Variants in ABL2 observed in about 807,000 individuals in gnomAD.
The protein encoded by ABL2 is ABL proto-oncogene 2, non-receptor tyrosine kinase.
ABL2 carries 49 observed loss-of-function variants against 107.7 expected under a neutral mutation model. The observed-to-expected ratio is 0.45, with a 90% CI of 0.36 to 0.58. The LOEUF (loss-of-function observed/expected upper bound fraction) is 0.58. Ranked by LOEUF, ABL2 falls within the 20% of genes least tolerant of loss-of-function variation. The pLI, the probability that ABL2 is intolerant of heterozygous loss-of-function variation, is 0.00. For missense variants in ABL2, 1,245 were observed against 1,457.0 expected (o/e 0.85, Z 2.37); for synonymous variants, 549 against 548.6 (o/e 1.00, Z -0.01).
In ABL2 at chr1:179,135,646, G is replaced by C. The variant is rs182710458; in HGVS notation, c.158-2272C>G. Among the ~76,000 whole-genome samples the C allele has an allele frequency of 2.5e-3, 374 of 150,734 alleles. 2 individuals are homozygous for C. Among genetic ancestry groups the C allele is most frequent in the Non-Finnish European group, 4.5e-3 (303 of 67,414 alleles). The stretch of plus-strand genomic sequence containing the variant: ...GGCCAGCCGCCCCATCCGGGAGGGA[G>C]GTGAGGGGGTCAGCCCCCCGCCTGG... On this transcript the variant is annotated intron_variant, in intron 1 of 11. Transcript: ENST00000502732.
chr1:179,135,659 G>GC (rs1294626189), intron 1 of ABL2, among the ~76,000 whole-genome samples: 15 of 148,552 alleles, frequency 1.0e-4, no homozygotes, highest in Admixed American at 5.3e-4. Context: ...GAGGGGGTCA[G>GC]CCCCCCGCCT....
At chr1:179,128,063 A>T (rs1655914062) in intron 3 of ABL2, among the ~76,000 whole-genome samples, 1 of 151,490 alleles carries the variant, frequency 6.6e-6, no homozygotes, top group Non-Finnish European at 1.5e-5. Context: ...GGCCAGAAGT[A>T]TCAGGCAAAA....
chr1:179,157,234 C>T (rs1233516117), intron 1 of ABL2, among the ~76,000 whole-genome samples: 8 of 152,150 alleles, frequency 5.3e-5, no homozygotes, highest in Non-Finnish European at 1.0e-4. Context: ...CACAGTCACA[C>T]CTATAATCCC....
intron 1 of ABL2, among the ~76,000 whole-genome samples, chr1:179,147,514 C>T (rs1571198262): frequency 6.6e-6 from 1 of 152,102 alleles, no homozygotes. Flanking sequence ...TATAGATATA[C>T]CATGGAATAC....
intron 1 of ABL2, among the ~76,000 whole-genome samples, chr1:179,204,052 T>C (rs957255746): frequency 1.3e-5 from 2 of 151,930 alleles, no homozygotes; most frequent in African/African-American, 4.8e-5. Flanking sequence ...AGAGATGGAG[T>C]CTCTCGCTCT....
intron 1 of ABL2, among the ~76,000 whole-genome samples, chr1:179,218,036 A>G (rs1662670919): frequency 6.6e-6 from 1 of 152,204 alleles, no homozygotes; most frequent in Admixed American, 6.5e-5. Context: ...TTTAAAAGAA[A>G]AAACAGATAT....
At position 179,104,991 on chromosome 1, in the gene ABL2, T is replaced by C. The variant is rs1333666978; in HGVS notation, c.*2727A>G. 4.4e-6 allele frequency: 1 copy of C among 228,880 alleles called. No homozygotes were observed. Among genetic ancestry groups the C allele is most frequent in the African/African-American group, 2.2e-5 (1 of 45,072 alleles). The allele number at this position is 228,880 out of a possible 1,614,324, so 14.2% of individuals were successfully genotyped here. A position where few individuals can be genotyped will look rare whatever the true frequency, so the allele number is the denominator to read the frequency against. On this transcript the variant is annotated 3_prime_UTR_variant, in exon 12 of 12. Coordinates refer to ENST00000502732, the MANE Select transcript of ABL2 (RefSeq NM_007314.4). ...AAAGGAAAAACCTAAATTATGCTTGTATAGTAAGTTGACAGTGCCTCTTTA... is the reference window on the plus strand; with the variant it reads ...AAAGGAAAAACCTAAATTATGCTTGCATAGTAAGTTGACAGTGCCTCTTTA...
intron 1 of ABL2, chr1:179,184,485 G>T: frequency 1.2e-6 from 1 of 829,488 alleles, no homozygotes; most frequent in South Asian, 1.5e-5. Context: ...TCATATGTTA[G>T]GAAAGTTCAT....
Position 179,131,488 on chromosome 1 carries a change from G to C in ABL2, c.221-7C>G, listed in dbSNP as rs1377205081. 2 of 1,612,250 alleles carry C rather than the reference G, an allele frequency of 1.2e-6. No individual in the cohort carries two copies. The highest frequency in any genetic ancestry group is 1.7e-6 in the Non-Finnish European group (2 of 1,178,530). On this transcript the variant is annotated splice_polypyrimidine_tract_variant and splice_region_variant and intron_variant, in intron 2 of 11. Coordinates refer to ENST00000502732, the MANE Select transcript of ABL2 (RefSeq NM_007314.4). ...TAGGGACGATGCAAAGCTTCTGAAAGACATAAGAAGGGAAGGGAATTCACG... is the reference window on the plus strand; with the variant it reads ...TAGGGACGATGCAAAGCTTCTGAAACACATAAGAAGGGAAGGGAATTCACG...
At chr1:179,158,225 A>G (rs780656800) in intron 1 of ABL2, among the ~76,000 whole-genome samples, 5 of 152,240 alleles carry the variant, frequency 3.3e-5, no homozygotes, top group Non-Finnish European at 7.3e-5. Context: ...AACAGGAAAA[A>G]TTAAATTCTG....
chr1:179,185,806 TAA>T (rs1265785858), intron 1 of ABL2, among the ~76,000 whole-genome samples: 2 of 152,182 alleles, frequency 1.3e-5, no homozygotes, highest in African/African-American at 4.8e-5. Flanking sequence ...TTTCCCTGGA[TAA>T]AGTTACTCCT....
rs371005589 is a variant in ABL2, at chr1:179,153,530, T to C, written c.158-20156A>G. On this transcript the variant is annotated intron_variant, in intron 1 of 11. Transcript: ENST00000502732. ...ATCCAACCCATCGTCAAGGCCAGGA[T>C]CTTCAAATCTGTCTCTGTTCCAGGT... Among the ~76,000 whole-genome samples the C allele has an allele frequency of 3.9e-5, 6 of 152,216 alleles. No individual in the cohort carries two copies. In the East Asian group the frequency reaches 1.2e-3, roughly 29 times the overall value.
At chr1:179,193,362 CT>C (rs774791259) in intron 1 of ABL2, among the ~76,000 whole-genome samples, 1,494 of 142,074 alleles carry the variant, frequency 0.011, 17 homozygotes, top group African/African-American at 0.031. Flanking sequence ...TAAATGTCTG[CT>C]TTTTTTTTTT....
At chr1:179,110,556 A>G in intron 10 of ABL2, 101 bp from the exon 11 acceptor site, 1 of 1,519,092 alleles carries the variant, frequency 6.6e-7, no homozygotes, top group Non-Finnish European at 8.8e-7. Flanking sequence ...ACTGGCAAGT[A>G]GAGTACTAAA....
chr1:179,188,420 G>A (rs1052720359), intron 1 of ABL2, among the ~76,000 whole-genome samples: 4 of 151,978 alleles, frequency 2.6e-5, no homozygotes, highest in Non-Finnish European at 4.4e-5. Context: ...GGTGGCACAC[G>A]TCTGTCATCC....
At chr1:179,178,125 C>G (rs1660150259) in intron 1 of ABL2, among the ~76,000 whole-genome samples, 1 of 152,042 alleles carries the variant, frequency 6.6e-6, no homozygotes, top group Non-Finnish European at 1.5e-5. Context: ...TGACCAGGTA[C>G]AGTAGCTCAT....
intron 1 of ABL2, chr1:179,183,739 G>C (rs186206733): frequency 1.3e-5 from 2 of 152,452 alleles, no homozygotes; most frequent in East Asian, 3.8e-4. Context: ...TAAAATTAAG[G>C]AGCAGGGGAA....
intron 1 of ABL2, among the ~76,000 whole-genome samples, chr1:179,187,101 T>C (rs569884867): frequency 1.3e-5 from 2 of 152,300 alleles, no homozygotes; most frequent in South Asian, 4.1e-4. Flanking sequence ...TTACCATGTC[T>C]AGTCTCTTTG....
Position 179,108,412 on chromosome 1 carries a change from T to A in ABL2, c.2855A>T (p.Asp952Val). 1 of 1,614,126 alleles carries A rather than the reference T, an allele frequency of 6.2e-7. No homozygotes were observed. The highest frequency in any genetic ancestry group is 1.1e-5 in the South Asian group (1 of 91,088). ...TPADVQLIGT[D>V]SQGNKFKLLS... is the part of the protein sequence containing the mutation. ...GAGCTTGAATTTATTCCCCTGAGAG[T>A]CTGTGCCAATGAGCTGCACGTCAGC... The change falls in exon 12 of 12, where the codon GAC becomes GTC. Residue 952 changes from aspartate to valine, a missense_variant. By Grantham distance (152) the Asp-to-Val change is radical (BLOSUM62 -3). Around this residue, in one of 3 missense-constraint regions of ABL2, gnomAD observed 761 missense variants for 766.4 expected, o/e 0.99. Coordinates refer to ENST00000502732, the MANE Select transcript of ABL2 (RefSeq NM_007314.4).
Sources: allele counts gnomAD v4.1 joint callset (sites outside exome capture counted in the v4.1 genomes callset), GRCh38; gene constraint gnomAD v4.1.1; regional missense constraint gnomAD v4.1.1; transcripts MANE v1.5; gene names NCBI Gene and HGNC (gene_info 2026-07-23, HGNC 2026-07-21).